TRIM71: variants seen among roughly 807,000 people sequenced by gnomAD.
TRIM71 encodes tripartite motif containing 71, also known as E3 ubiquitin-protein ligase TRIM71.
A neutral mutation model predicts 61.2 loss-of-function variants in TRIM71; 9 were observed. That is an observed-to-expected ratio of 0.15 (90% confidence interval 0.09 to 0.26). The LOEUF (loss-of-function observed/expected upper bound fraction) is 0.26. TRIM71 is among the 10% of genes least tolerant of loss of function. The probability of loss-of-function intolerance (pLI) is 1.00; values close to 1 mark genes in which losing one functional copy is unlikely to be tolerated. For synonymous variants in TRIM71, 645 were observed against 553.2 expected (o/e 1.17, Z -2.33); for missense variants, 998 against 1,238.7 (o/e 0.81, Z 2.92).
At chr3:32,827,546 C>T (rs1382587567) in intron 1 of TRIM71, among the ~76,000 whole-genome samples, 1 of 152,174 alleles carries the variant, frequency 6.6e-6, no homozygotes, top group Non-Finnish European at 1.5e-5. Context: ...CAGGCGTGAG[C>T]CACCGCGCCT....
chr3:32,844,706 A>G (rs924970799), intron 1 of TRIM71, among the ~76,000 whole-genome samples: 1 of 152,182 alleles, frequency 6.6e-6, no homozygotes, highest in Non-Finnish European at 1.5e-5. Context: ...GGTGGGTTTA[A>G]GCAGCCTGTG....
intron 1 of TRIM71, among the ~76,000 whole-genome samples, chr3:32,835,921 T>G (rs1398589640): frequency 6.6e-6 from 1 of 152,208 alleles, no homozygotes; most frequent in Non-Finnish European, 1.5e-5. Flanking sequence ...GAGGTTAGTC[T>G]TAAAAAACAT....
Position 32,818,171 on chromosome 3 carries a change from G to A in TRIM71, c.91G>A (p.Ala31Thr), listed in dbSNP as rs376749056. ...SPAPLSSNSS[A>T]SSSSSQTSTS... ...GGCGCCGCTCTCCTCCAACTCGTCCGCGTCGTCGTCCTCCTCGCAGACGTC... is the reference window on the plus strand; with the variant it reads ...GGCGCCGCTCTCCTCCAACTCGTCCACGTCGTCGTCCTCCTCGCAGACGTC... Residue 31 changes from alanine (A) to threonine (T), a missense_variant, in exon 1 of 4, where the codon GCG becomes ACG. Ala to Thr is a moderately conservative substitution (Grantham distance 58, BLOSUM62 0). Coordinates refer to ENST00000383763, the MANE Select transcript of TRIM71 (RefSeq NM_001039111.3). 1.9e-6 allele frequency: 3 copies of A among 1,602,666 alleles called. No individual in the cohort carries two copies. Among genetic ancestry groups the A allele is most frequent in the African/African-American group, 2.7e-5 (2 of 73,818 alleles).
At chr3:32,821,933 T>C (rs748225044) in intron 1 of TRIM71, among the ~76,000 whole-genome samples, 4 of 152,036 alleles carry the variant, frequency 2.6e-5, no homozygotes, top group African/African-American at 4.8e-5. Context: ...GCTCTGGTCA[T>C]GGAGTAGGGT....
intron 1 of TRIM71, among the ~76,000 whole-genome samples, chr3:32,826,582 CTTTTTT>C (rs71068090): frequency 8.4e-5 from 7 of 83,094 alleles, no homozygotes; most frequent in Admixed American, 1.8e-4. Context: ...CAGGTGAGTT[CTTTTTT>C]TTTTTTTTTT....
intron 2 of TRIM71, among the ~76,000 whole-genome samples, chr3:32,876,601 A>G (rs1439251450): frequency 6.6e-6 from 1 of 151,936 alleles, no homozygotes; most frequent in African/African-American, 2.4e-5. Flanking sequence ...CAAACAGACA[A>G]ACAAAAAGAG....
In TRIM71 at chr3:32,833,634, TTTTATTTA is replaced by T. The variant is rs572371235; in HGVS notation, c.852+14738_852+14745del. ...GGCTGCAGGAGTACTGAGAATGCTT[TTTTATTTA>T]TTTATTTATTTATTTATTTATTTAT... On this transcript the variant is annotated intron_variant, in intron 1 of 3. Coordinates refer to ENST00000383763, the MANE Select transcript of TRIM71 (RefSeq NM_001039111.3). Among the ~76,000 whole-genome samples, 764 of 146,778 alleles carry T rather than the reference TTTTATTTA, an allele frequency of 5.2e-3. 1 individual carries two copies. Among genetic ancestry groups the T allele is most frequent in the African/African-American group, 0.01 (414 of 39,756 alleles).
At chr3:32,833,631 C>CTTTT (rs1225963568) in intron 1 of TRIM71, among the ~76,000 whole-genome samples, 51 of 132,860 alleles carry the variant, frequency 3.8e-4, no homozygotes, top group Middle Eastern at 3.6e-3. Flanking sequence ...ACTGAGAATG[C>CTTTT]TTTTTTATTT....
chr3:32,828,172 G>A (rs1431741191), intron 1 of TRIM71, among the ~76,000 whole-genome samples: 4 of 152,050 alleles, frequency 2.6e-5, no homozygotes, highest in African/African-American at 9.7e-5. Flanking sequence ...TGTGCCCTCC[G>A]AGATCAGTGT....
chr3:32,836,331 T>C (rs536908165), intron 1 of TRIM71, among the ~76,000 whole-genome samples: 45 of 152,320 alleles, frequency 3.0e-4, no homozygotes, highest in African/African-American at 1.0e-3. Flanking sequence ...GCATGAGCTT[T>C]TCATATGTTT....
chr3:32,853,406 C>T (rs1409807073), intron 1 of TRIM71, among the ~76,000 whole-genome samples: 4 of 152,102 alleles, frequency 2.6e-5, no homozygotes, highest in Admixed American at 2.6e-4. Flanking sequence ...CATGAGCCAC[C>T]ACACCCGGCC....
intron 1 of TRIM71, among the ~76,000 whole-genome samples, chr3:32,831,786 C>G (rs1696274386): frequency 6.6e-6 from 1 of 152,120 alleles, no homozygotes; most frequent in South Asian, 2.1e-4. Flanking sequence ...ATCTGCCCTC[C>G]TTGGCCTCCC....
In TRIM71 at chr3:32,833,184, TAAAAA is replaced by T. The variant is rs1182178339; in HGVS notation, c.852+14276_852+14280del. 5.1e-3 allele frequency among the ~76,000 whole-genome samples: 277 copies of T among 54,430 alleles called. 1 individual carries two copies. The highest frequency in any genetic ancestry group is 0.026 in the South Asian group (24 of 938). The allele number at this position is 54,430 out of a possible 152,430, so 35.7% of individuals were successfully genotyped here. On this transcript the variant is annotated intron_variant, in intron 1 of 3. Coordinates refer to ENST00000383763, the MANE Select transcript of TRIM71 (RefSeq NM_001039111.3). ...GGTGACAAGAATGAAACTCTGTCTT[TAAAAA>T]AAAAAAAAAAAAAAAAAAAAAAAGA...
At chr3:32,843,575 C>G (rs576913707) in intron 1 of TRIM71, among the ~76,000 whole-genome samples, 1 of 152,136 alleles carries the variant, frequency 6.6e-6, no homozygotes, top group Non-Finnish European at 1.5e-5. Flanking sequence ...TAGCAGGTCC[C>G]CCTCCCTTTC....
intron 1 of TRIM71, among the ~76,000 whole-genome samples, chr3:32,840,553 T>A (rs910930052): frequency 6.6e-6 from 1 of 152,224 alleles, no homozygotes; most frequent in Non-Finnish European, 1.5e-5. Flanking sequence ...AATTGTAATC[T>A]GTGCTGGAGA....
At position 32,861,117 on chromosome 3, in the gene TRIM71, G is replaced by A. The variant is rs571559838; in HGVS notation, c.853-12701G>A. 1.1e-3 allele frequency among the ~76,000 whole-genome samples: 172 copies of A among 152,144 alleles called. 2 individuals carry two copies. The highest frequency in any genetic ancestry group is 3.8e-3 in the African/African-American group (157 of 41,534). On this transcript the variant is annotated intron_variant, in intron 1 of 3. Coordinates refer to ENST00000383763, the MANE Select transcript of TRIM71 (RefSeq NM_001039111.3). ...TTGATCCCGGGAGGCAGAGGTTGCA[G>A]TGAGTTGAGATCGTGTCATTGTACT...
chr3:32,832,085 A>G (rs2125676351), intron 1 of TRIM71, among the ~76,000 whole-genome samples: 1 of 152,156 alleles, frequency 6.6e-6, no homozygotes, highest in Non-Finnish European at 1.5e-5. Flanking sequence ...CTGAAAAGGA[A>G]AAGGTGAATT....
Position 32,818,333 on chromosome 3 carries a change from G to C in TRIM71, c.253G>C (p.Glu85Gln). The C allele has an allele frequency of 6.9e-7, 1 of 1,447,400 alleles. No individual in the cohort carries two copies. Among genetic ancestry groups the C allele is most frequent in the Non-Finnish European group, 9.1e-7 (1 of 1,104,726 alleles). The allele number at this position is 1,447,400 out of a possible 1,614,324, so 89.7% of individuals were successfully genotyped here. The part of the protein sequence containing the change: ...LPAAGGGAAG[E>Q]PLKLRCPVCD... ...GGCGGCGGGCGGCGGCGCGGCGGGA[G>C]AGCCGCTCAAGCTGCGCTGCCCCGT... The change falls in exon 1 of 4, where the codon GAG becomes CAG. Residue 85 changes from glutamate to glutamine, a missense_variant. Physicochemically the swap from Glu to Gln is conservative, Grantham distance 29. Around this residue, in one of 5 missense-constraint regions of TRIM71, gnomAD observed 527 missense variants for 427.8 expected, o/e 1.23. Transcript: ENST00000383763.
chr3:32,838,631 G>A (rs1392639154), intron 1 of TRIM71, among the ~76,000 whole-genome samples: 1 of 151,800 alleles, frequency 6.6e-6, no homozygotes, highest in Non-Finnish European at 1.5e-5. Context: ...AGTTGATATA[G>A]GGGAGCTAAA....
Sources: allele counts gnomAD v4.1 joint callset (sites outside exome capture counted in the v4.1 genomes callset), GRCh38; gene constraint gnomAD v4.1.1; regional missense constraint gnomAD v4.1.1; transcripts MANE v1.5; gene names NCBI Gene and HGNC (gene_info 2026-07-23, HGNC 2026-07-21).